Variants in WHR1 observed in about 807,000 individuals in gnomAD.
WHR1 encodes the protein MHC class III HLA-RP1.
At chr6:31,974,784 AACC>A in the WHR1 span, among the ~76,000 whole-genome samples, 2 of 152,138 alleles carry the variant, frequency 1.3e-5, no homozygotes, top group Admixed American at 6.5e-5. Flanking sequence ...ACAACAAAAA[AACC>A]CAGAACTGAA....
At chr6:31,973,003 A>G in the WHR1 span, 1 of 721,148 alleles carries the variant, frequency 1.4e-6, no homozygotes, top group Non-Finnish European at 2.5e-6. Flanking sequence ...TCGAACATAC[A>G]GCGCTGGGAG....
the WHR1 span, chr6:31,971,612 G>C: frequency 6.2e-7 from 1 of 1,613,164 alleles, no homozygotes; most frequent in Admixed American, 1.7e-5. This position sits in a 1 kb window ranked among gnomAD's most constrained non-coding sequence, Gnocchi z 4.5. Flanking sequence ...GGACGAGGTA[G>C]TTTGTTCCGA....
At chr6:31,972,372 C>T in the WHR1 span, 1 of 1,613,112 alleles carries the variant, frequency 6.2e-7, no homozygotes, top group South Asian at 1.1e-5. The surrounding 1 kb of genome is among the most constrained non-coding windows in gnomAD (Gnocchi z 6.3). Context: ...TCTCTTCCCT[C>T]CATTCCTACC....
At chr6:31,979,292 G>A in the WHR1 span, 2 of 1,307,846 alleles carry the variant, frequency 1.5e-6, no homozygotes, top group Non-Finnish European at 2.1e-6. Context: ...GGAAGAAGAA[G>A]GGTATGAGAG....
the WHR1 span, chr6:31,979,283 G>A: frequency 3.5e-4 from 426 of 1,205,012 alleles, 4 homozygotes; most frequent in East Asian, 9.4e-3. Flanking sequence ...AGAGGAGGAG[G>A]AAGAAGAAGG....
chr6:31,971,385 C>A, the WHR1 span: 2 of 1,581,936 alleles, frequency 1.3e-6, no homozygotes, highest in African/African-American at 1.3e-5. This position sits in a 1 kb window ranked among gnomAD's most constrained non-coding sequence, Gnocchi z 4.5. Flanking sequence ...CCTGGACCTC[C>A]TCGTCCCGGG....
the WHR1 span, chr6:31,978,890 T>A: frequency 2.5e-6 from 4 of 1,612,256 alleles, no homozygotes; most frequent in Admixed American, 6.7e-5. Flanking sequence ...CACTCTCTTC[T>A]CTGTGGAGAC....
At chr6:31,980,155 A>G in the WHR1 span, 2 of 423,742 alleles carry the variant, frequency 4.7e-6, no homozygotes, top group Non-Finnish European at 8.5e-6. Flanking sequence ...CTAAGACCGA[A>G]TGTGTGTCAG....
chr6:31,978,792 G>C, the WHR1 span: 3 of 912,924 alleles, frequency 3.3e-6, no homozygotes, highest in South Asian at 1.7e-5. Context: ...TTTACTAAGA[G>C]AAAATGCCCC....
chr6:31,971,318 ACC>A, the WHR1 span: 1 of 1,537,450 alleles, frequency 6.5e-7, no homozygotes, highest in East Asian at 2.3e-5. The surrounding 1 kb of genome is among the most constrained non-coding windows in gnomAD (Gnocchi z 4.5). Context: ...CGCTTTGCTC[ACC>A]CCTCCAACCG....
At chr6:31,976,587 A>G in the WHR1 span, among the ~76,000 whole-genome samples, 1 of 149,468 alleles carries the variant, frequency 6.7e-6, no homozygotes, top group South Asian at 2.1e-4. Context: ...GGGGCTCCTC[A>G]CATCCCAGAC....
At chr6:31,972,576 G>T in the WHR1 span, 1 of 1,594,742 alleles carries the variant, frequency 6.3e-7, no homozygotes, top group Non-Finnish European at 8.6e-7. The surrounding 1 kb of genome is among the most constrained non-coding windows in gnomAD (Gnocchi z 6.3). Context: ...TTAGAACCGC[G>T]TCCCCGCCCC....
chr6:31,971,546 G>T, the WHR1 span: 2 of 1,614,026 alleles, frequency 1.2e-6, no homozygotes, highest in African/African-American at 1.3e-5. The surrounding 1 kb of genome is among the most constrained non-coding windows in gnomAD (Gnocchi z 4.5). Flanking sequence ...GAAGGGCGCC[G>T]GTAGAAAGGA....
chr6:31,973,023 A>C, the WHR1 span: 3 of 694,828 alleles, frequency 4.3e-6, no homozygotes, highest in Middle Eastern at 2.3e-4. Context: ...GTGCAGTCAG[A>C]CGTCAGATCA....
the WHR1 span, among the ~76,000 whole-genome samples, chr6:31,974,789 A>G: frequency 6.6e-6 from 1 of 152,180 alleles, no homozygotes; most frequent in Admixed American, 6.5e-5. Context: ...AAAAAAACCC[A>G]GAACTGAAAT....
chr6:31,976,031 G>A, the WHR1 span, among the ~76,000 whole-genome samples: 3 of 149,144 alleles, frequency 2.0e-5, no homozygotes, highest in Admixed American at 2.0e-4. Context: ...TGGCCGGGCG[G>A]GGGGGGCTGA....
At chr6:31,978,491 GT>G in the WHR1 span, among the ~76,000 whole-genome samples, 2 of 152,262 alleles carry the variant, frequency 1.3e-5, no homozygotes, top group South Asian at 4.1e-4. Flanking sequence ...TTTTCAACAG[GT>G]GGATTAGTTC....
chr6:31,972,183 C>T, the WHR1 span: 10 of 1,611,724 alleles, frequency 6.2e-6, no homozygotes, highest in Non-Finnish European at 8.5e-6. This position sits in a 1 kb window ranked among gnomAD's most constrained non-coding sequence, Gnocchi z 6.3. Context: ...AATCCGCGGC[C>T]GGCGTGGGGC....
the WHR1 span, chr6:31,972,646 A>G: frequency 6.2e-7 from 1 of 1,613,076 alleles, no homozygotes. The surrounding 1 kb of genome is among the most constrained non-coding windows in gnomAD (Gnocchi z 6.3). Flanking sequence ...CTGTCTCAGA[A>G]CTCATGCAGC....
Sources: allele counts gnomAD v4.1 joint callset (sites outside exome capture counted in the v4.1 genomes callset), GRCh38; gene constraint gnomAD v4.1.1; non-coding constraint Gnocchi (gnomAD v3.1); transcripts MANE v1.5; gene names NCBI Gene and HGNC (gene_info 2026-07-23, HGNC 2026-07-21).